Variants in AFTPH observed in about 807,000 individuals in gnomAD.
AFTPH encodes the protein aftiphilin protein.
AFTPH carries 7 observed loss-of-function variants against 72.5 expected under a neutral mutation model. That is an observed-to-expected ratio of 0.10 (90% CI 0.05 to 0.18). The LOEUF (loss-of-function observed/expected upper bound fraction) is 0.18. Ranked by LOEUF, AFTPH falls within the 10% of genes least tolerant of loss-of-function variation. The pLI, the probability that AFTPH is intolerant of heterozygous loss-of-function variation, is 1.00. For synonymous variants in AFTPH, 337 were observed against 370.1 expected (o/e 0.91, Z 1.03); for missense variants, 979 against 1,060.5 (o/e 0.92, Z 1.07).
At chr2:64,568,488 C>T (rs753585752) in intron 3 of AFTPH, among the ~76,000 whole-genome samples, 13 of 152,138 alleles carry the variant, frequency 8.5e-5, no homozygotes, top group Non-Finnish European at 1.6e-4. Context: ...CACTTAGATC[C>T]CATTTTGGTG....
At chr2:64,578,549 G>GAATA (rs1672964959) in intron 6 of AFTPH, among the ~76,000 whole-genome samples, 1 of 137,208 alleles carries the variant, frequency 7.3e-6, no homozygotes, top group Non-Finnish European at 1.5e-5. Flanking sequence ...TAAACCCCTG[G>GAATA]AATAGTGAAT....
At chr2:64,525,436 G>A (rs1048671844) in intron 1 of AFTPH, 2 of 154,384 alleles carry the variant, frequency 1.3e-5, no homozygotes, top group Admixed American at 1.3e-4. Flanking sequence ...GGGGCCGAGG[G>A]AAGAACTGAC....
chr2:64,541,061 T>C (rs10206350), intron 1 of AFTPH, among the ~76,000 whole-genome samples: 53,703 of 152,016 alleles, frequency 0.35, 9,569 homozygotes, highest in South Asian at 0.4. Flanking sequence ...TTACTAGTTA[T>C]GCTACCTTGT....
At chr2:64,548,362 C>T (rs1207987578) in intron 1 of AFTPH, among the ~76,000 whole-genome samples, 9 of 131,406 alleles carry the variant, frequency 6.8e-5, no homozygotes, top group Admixed American at 5.0e-4. Context: ...CACTGCAGTC[C>T]GCAGTCAGGC....
chr2:64,525,048 G>A (rs1333511223), intron 1 of AFTPH, among the ~76,000 whole-genome samples: 2 of 152,146 alleles, frequency 1.3e-5, no homozygotes, highest in East Asian at 3.9e-4. Context: ...CTCCTTCACC[G>A]AGGCCCGAGG....
chr2:64,567,624 T>C (rs1374874631), exon 3 of AFTPH: 5 of 1,613,618 alleles, frequency 3.1e-6, no homozygotes, highest in Non-Finnish European at 4.2e-6. Flanking sequence ...TACTTGTCCC[T>C]GATGCTGAAG....
intron 1 of AFTPH, among the ~76,000 whole-genome samples, chr2:64,531,475 A>G (rs1041009291): frequency 1.4e-4 from 22 of 152,312 alleles, no homozygotes; most frequent in African/African-American, 5.3e-4. Flanking sequence ...TTTTTGAATG[A>G]TTTAAACCTG....
chr2:64,534,277 T>G (rs763439459), intron 1 of AFTPH, among the ~76,000 whole-genome samples: 2 of 151,488 alleles, frequency 1.3e-5, no homozygotes, highest in Non-Finnish European at 2.9e-5. Flanking sequence ...TTAGTGGCTA[T>G]TTATAAAAAG....
rs558105252 is a variant in AFTPH at position 64,584,058 on chromosome 2, T to G, written c.2456-1364T>G. ...ACAGGGCATTTTTTTAAAGAAATAATAAGTAAAAATTTCAGAAGCTCTAAG... is the reference window on the plus strand; with the variant it reads ...ACAGGGCATTTTTTTAAAGAAATAAGAAGTAAAAATTTCAGAAGCTCTAAG... On this transcript the variant is annotated intron_variant, in intron 7 of 8. Transcript: ENST00000238856. 6.6e-5 allele frequency among the ~76,000 whole-genome samples: 10 copies of G among 152,140 alleles called. 1 individual carries two copies. The South Asian group carries it at 2.1e-3, about 32-fold the overall frequency.
At chr2:64,576,749 C>T (rs1010351620) in intron 6 of AFTPH, among the ~76,000 whole-genome samples, 7 of 152,138 alleles carry the variant, frequency 4.6e-5, no homozygotes, top group African/African-American at 1.7e-4. Flanking sequence ...TATGTAGTTC[C>T]ATGCTCACTT....
intron 5 of AFTPH, 130 bp from the exon 6 acceptor site, chr2:64,572,816 A>G (rs1336824469): frequency 8.1e-7 from 1 of 1,232,082 alleles, no homozygotes; most frequent in Admixed American, 2.7e-5. Context: ...AAAAAAAAAA[A>G]GACTAGTTCC....
chr2:64,583,866 G>T (rs1673348887), intron 7 of AFTPH, among the ~76,000 whole-genome samples: 1 of 152,054 alleles, frequency 6.6e-6, no homozygotes, highest in Non-Finnish European at 1.5e-5. Flanking sequence ...TCTGATTTCT[G>T]TAAACATCTG....
intron 1 of AFTPH, among the ~76,000 whole-genome samples, chr2:64,547,046 C>T (rs1424261354): frequency 1.3e-5 from 2 of 152,004 alleles, no homozygotes; most frequent in Admixed American, 6.6e-5. Context: ...TAGACTCTGT[C>T]TCAAAAAAAT....
chr2:64,550,707 ACACACACACACACAC>A (rs1670986473), intron 1 of AFTPH, among the ~76,000 whole-genome samples: 1 of 151,096 alleles, frequency 6.6e-6, no homozygotes. Context: ...ACACACACAC[ACACACACACACACAC>A]ACACACACAA....
At chr2:64,575,614 C>G (rs186922295) in intron 6 of AFTPH, among the ~76,000 whole-genome samples, 47 of 151,282 alleles carry the variant, frequency 3.1e-4, no homozygotes, top group African/African-American at 1.0e-3. Context: ...AAAACCCTGC[C>G]TCGAAAAAAA....
intron 1 of AFTPH, among the ~76,000 whole-genome samples, chr2:64,530,344 C>A (rs1669557083): frequency 6.6e-6 from 1 of 152,112 alleles, no homozygotes; most frequent in African/African-American, 2.4e-5. Flanking sequence ...TCAGATTCTT[C>A]CCCAGTTCAC....
At position 64,569,698 on chromosome 2, in the gene AFTPH, C is replaced by G; in HGVS notation, c.2271+19C>G. 6.2e-7 allele frequency: 1 copy of G among 1,609,656 alleles called. No individual in the cohort carries two copies. On this transcript the variant is annotated intron_variant, in intron 5 of 8. Transcript: ENST00000238856. ...AGGATTGGTAAGTACAAAAATCTCT[C>G]TGCATGTATTTATCATTACTGCATC...
chr2:64,524,679 C>T (rs1669137077), intron 1 of AFTPH, 67 bp downstream of exon 1: 2 of 393,874 alleles, frequency 5.1e-6, no homozygotes, highest in Non-Finnish European at 9.0e-6. Context: ...AGGCCCGGCC[C>T]AGCAGCCAGA....
At chr2:64,531,035 C>T (rs1204797463) in intron 1 of AFTPH, among the ~76,000 whole-genome samples, 1 of 123,830 alleles carries the variant, frequency 8.1e-6, no homozygotes, top group Non-Finnish European at 1.6e-5. Context: ...GCACTCCAGT[C>T]TGGGTGACAG....
Sources: gnomAD v4.1 joint callset for allele counts (sites outside exome capture counted in the v4.1 genomes callset) on GRCh38, gnomAD v4.1.1 for gene constraint, MANE v1.5 for transcripts, NCBI Gene and HGNC (gene_info 2026-07-23, HGNC 2026-07-21) for gene names.